Variants in DIP2C observed in about 807,000 individuals in gnomAD.
DIP2C encodes the protein disco-interacting protein 2 homolog C.
DIP2C carries 33 observed loss-of-function variants against 192.4 expected under a neutral mutation model. The ratio of observed to expected loss-of-function variants is 0.17; its 90% CI spans 0.13 to 0.23. The LOEUF (loss-of-function observed/expected upper bound fraction) is 0.23. Among genes scored for constraint, DIP2C ranks in the 10% least tolerant of loss-of-function variants. The pLI is 1.00. For missense variants in DIP2C, 1,537 were observed against 2,110.1 expected (o/e 0.73, Z 5.32); for synonymous variants, 979 against 864.1 (o/e 1.13, Z -2.33).
At chr10:575,377 G>A (rs1850086756) in intron 1 of DIP2C, among the ~76,000 whole-genome samples, 1 of 152,156 alleles carries the variant, frequency 6.6e-6, no homozygotes, top group Admixed American at 6.5e-5. Flanking sequence ...AAACTTCAGG[G>A]CATATGATTT....
intron 1 of DIP2C, among the ~76,000 whole-genome samples, chr10:599,082 G>T (rs1851897368): frequency 6.6e-6 from 1 of 152,126 alleles, no homozygotes; most frequent in Admixed American, 6.5e-5. Flanking sequence ...CACAAAACAG[G>T]CTCCAGAAGC....
At chr10:587,348 C>T (rs1013038317) in intron 1 of DIP2C, among the ~76,000 whole-genome samples, 3 of 152,226 alleles carry the variant, frequency 2.0e-5, no homozygotes, top group Non-Finnish European at 2.9e-5. Context: ...CAGTAAAACG[C>T]GGTGATAACC....
chr10:481,848 A>C (rs2133522692), intron 2 of DIP2C, among the ~76,000 whole-genome samples: 1 of 152,322 alleles, frequency 6.6e-6, no homozygotes, highest in South Asian at 2.1e-4. Context: ...CCACCCCCAC[A>C]GGCAGACTCA....
intron 4 of DIP2C, among the ~76,000 whole-genome samples, chr10:431,830 T>C (rs1253917754): frequency 2.0e-5 from 3 of 152,238 alleles, no homozygotes; most frequent in Admixed American, 1.3e-4. Flanking sequence ...TTTCCGGATC[T>C]TAGTGGGAAA....
rs74113899 is a variant in DIP2C, at chr10:300,196, G to A, written c.3986+9835C>T. Among the ~76,000 whole-genome samples, 932 of 152,334 alleles carry A rather than the reference G, an allele frequency of 6.1e-3. 11 individuals carry two copies. The highest frequency in any genetic ancestry group is 0.021 in the African/African-American group (886 of 41,570). On this transcript the variant is annotated intron_variant, in intron 32 of 36. Transcript: ENST00000280886. ...AAGAACTGAAACCAGGTCTTGAACA[G>A]TATCTATAAACCCATGTTCACAGCA...
chr10:300,774 G>A (rs1955998628), intron 32 of DIP2C, among the ~76,000 whole-genome samples: 1 of 149,162 alleles, frequency 6.7e-6, no homozygotes. Context: ...ACCCAGGGGC[G>A]GCCCTGAGCG....
intron 3 of DIP2C, among the ~76,000 whole-genome samples, chr10:444,731 T>C (rs904548435): frequency 9.9e-5 from 15 of 152,258 alleles, no homozygotes; most frequent in African/African-American, 3.6e-4. Flanking sequence ...CTCCTGGAAC[T>C]CATCGCCGTT....
chr10:361,038 G>A (rs1390462866), intron 22 of DIP2C, among the ~76,000 whole-genome samples: 1 of 152,184 alleles, frequency 6.6e-6, no homozygotes, highest in Non-Finnish European at 1.5e-5. Flanking sequence ...CGTCTGCTAA[G>A]CTGCGTATCA....
intron 31 of DIP2C, among the ~76,000 whole-genome samples, chr10:314,523 T>TC (rs2132347128): frequency 6.6e-6 from 1 of 152,294 alleles, no homozygotes; most frequent in Admixed American, 6.5e-5. Flanking sequence ...AGGTTGGCCC[T>TC]CCCTGTGCTG....
chr10:585,694 C>G (rs2131611675), intron 1 of DIP2C, among the ~76,000 whole-genome samples: 1 of 152,258 alleles, frequency 6.6e-6, no homozygotes, highest in South Asian at 2.1e-4. Context: ...CTGGGAACCA[C>G]CACTCTGCTC....
intron 11 of DIP2C, 80 bp downstream of exon 11, chr10:390,660 G>A (rs1292977181): frequency 2.7e-5 from 42 of 1,551,354 alleles, no homozygotes; most frequent in East Asian, 6.8e-5. Context: ...GATTGAAACC[G>A]AGGCGGGGTG....
Position 513,629 on chromosome 10 carries a change from A to AGTGAAG in DIP2C, c.86-27100_86-27099insCTTCAC, listed in dbSNP as rs1305025070. 2.0e-5 allele frequency among the ~76,000 whole-genome samples: 3 copies of AGTGAAG among 151,812 alleles called. No homozygotes were observed. In the South Asian group the frequency reaches 6.3e-4, roughly 32 times the overall value. On this transcript the variant is annotated intron_variant, in intron 1 of 36. Transcript: ENST00000280886. ...CCACGCCTTCCACACCTTACCTGAA[A>AGTGAAG]GTCACTAAGTATAACCAAGAAGGAA...
At chr10:426,439 C>T (rs1194748440) in intron 4 of DIP2C, among the ~76,000 whole-genome samples, 2 of 152,184 alleles carry the variant, frequency 1.3e-5, no homozygotes, top group Non-Finnish European at 2.9e-5. Flanking sequence ...CAAACTGTTC[C>T]ATTAATTCAA....
At chr10:308,267 G>A (rs17159343) in intron 32 of DIP2C, among the ~76,000 whole-genome samples, 2,826 of 149,828 alleles carry the variant, frequency 0.019, 141 homozygotes, top group African/African-American at 0.068. Flanking sequence ...AGCTAGCAGC[G>A]ACGGTCAGCG....
chr10:384,447 C>T (rs557534682), intron 15 of DIP2C, 99 bp downstream of exon 15: 103 of 1,229,838 alleles, frequency 8.4e-5, no homozygotes, highest in African/African-American at 4.9e-4. Flanking sequence ...CATATTGGCC[C>T]GGGTGGTCTG....
chr10:459,963 CCA>C (rs1185676951), intron 3 of DIP2C, among the ~76,000 whole-genome samples: 1 of 141,470 alleles, frequency 7.1e-6, no homozygotes, highest in Non-Finnish European at 1.5e-5. Context: ...TAGGACCTTC[CCA>C]CAGTCACATC....
intron 6 of DIP2C, among the ~76,000 whole-genome samples, chr10:417,776 GTCAGGGCT>G (rs1382521120): frequency 5.0e-5 from 6 of 120,258 alleles, no homozygotes; most frequent in Admixed American, 8.0e-5. Flanking sequence ...ACCTGCACCT[GTCAGGGCT>G]CGGATAGGCC....
intron 31 of DIP2C, among the ~76,000 whole-genome samples, chr10:317,053 T>TTCTA (rs1956806843): frequency 6.6e-6 from 1 of 152,156 alleles, no homozygotes; most frequent in South Asian, 2.1e-4. Context: ...CTTCTACATC[T>TTCTA]CAATAAAAAA....
chr10:670,594 G>C (rs986305677), intron 1 of DIP2C, among the ~76,000 whole-genome samples: 1 of 152,154 alleles, frequency 6.6e-6, no homozygotes. Flanking sequence ...CATCGGCCTG[G>C]ATTAAGATGA....
Sources: gnomAD v4.1 joint callset for allele counts (sites outside exome capture counted in the v4.1 genomes callset) on GRCh38, gnomAD v4.1.1 for gene constraint, MANE v1.5 for transcripts, NCBI Gene and HGNC (gene_info 2026-07-23, HGNC 2026-07-21) for gene names.